The following PPEF2 variants were observed in gnomAD, a reference collection of about 807,000 sequenced individuals.
PPEF2 encodes the protein serine/threonine-protein phosphatase with EF-hands 2.
In PPEF2, 84 loss-of-function variants were observed where a neutral mutation model predicts 84.7. The observed-to-expected ratio is 0.99, with a 90% CI of 0.83 to 1.19. PPEF2 has a LOEUF of 1.19. PPEF2 is among the 50% of genes most tolerant of loss of function. The pLI is 0.00. For synonymous variants in PPEF2, 346 were observed against 345.2 expected, an observed-to-expected ratio of 1.00 and a Z score of -0.03; for missense variants, 924 against 937.5, an observed-to-expected ratio of 0.99 and a Z score of 0.19.
intron 3 of PPEF2, 21 bp from the exon 4 acceptor site, chr4:75,891,726 A>ACGT: frequency 6.2e-7 from 1 of 1,607,812 alleles, no homozygotes; most frequent in South Asian, 1.1e-5. Context: ...ACCCAAGGAG[A>ACGT]CGTGGCTTTA....
chr4:75,863,368 C>T (rs1267077613), intron 16 of PPEF2, among the ~76,000 whole-genome samples: 3 of 151,140 alleles, frequency 2.0e-5, no homozygotes, highest in Non-Finnish European at 4.4e-5. Flanking sequence ...GGTGTGGTGG[C>T]ACACGCCTGT....
intron 2 of PPEF2, among the ~76,000 whole-genome samples, chr4:75,892,474 G>A (rs1724912029): frequency 6.6e-6 from 1 of 152,150 alleles, no homozygotes; most frequent in African/African-American, 2.4e-5. Flanking sequence ...GGGCCTCAAT[G>A]TCCTCATCTG....
intron 2 of PPEF2, among the ~76,000 whole-genome samples, chr4:75,894,158 A>T (rs1262746167): frequency 2.6e-5 from 4 of 152,204 alleles, no homozygotes; most frequent in African/African-American, 9.7e-5. Flanking sequence ...GAGAATAGGT[A>T]AATTATTTAA....
chr4:75,871,050 T>G (rs1177552858), intron 13 of PPEF2, among the ~76,000 whole-genome samples: 2 of 151,938 alleles, frequency 1.3e-5, no homozygotes, highest in Non-Finnish European at 2.9e-5. Context: ...CCCGTGTAGC[T>G]GGGATTACAG....
chr4:75,896,259 G>A lies in PPEF2; in HGVS notation c.55+12C>T, dbSNP rs11731367. ...GTACCCACAGCTGGTTTGGAAAGTG[G>A]GAAACACGTACCTCTCTCTGCATTC... On this transcript the variant is annotated intron_variant, in intron 2 of 16. Transcript: ENST00000286719. 403,135 of 1,612,490 alleles carry A rather than the reference G, an allele frequency of 0.25. 53,850 individuals carry two copies. The highest frequency in any genetic ancestry group is 0.28 in the Non-Finnish European group (326,231 of 1,178,690).
chr4:75,860,540 T>G lies in PPEF2; in HGVS notation c.*127A>C. ...ACCCCTCCACACTGAAATACACAGGTGATTCTGATGCATATGGATAGGTAA... is the reference window on the plus strand; with the variant it reads ...ACCCCTCCACACTGAAATACACAGGGGATTCTGATGCATATGGATAGGTAA... On this transcript the variant is annotated 3_prime_UTR_variant, in exon 17 of 17. Coordinates refer to ENST00000286719, the MANE Select transcript of PPEF2 (RefSeq NM_006239.3). 8.5e-6 allele frequency: 10 copies of G among 1,179,658 alleles called. No homozygotes were observed. Among genetic ancestry groups the G allele is most frequent in the Non-Finnish European group, 9.5e-6 (8 of 840,714 alleles). The allele number at this position is 1,179,658 out of a possible 1,614,324, so 73.1% of individuals were successfully genotyped here.
chr4:75,900,066 G>A lies in PPEF2; in HGVS notation c.-59+2164C>T, dbSNP rs540565215. 1.1e-4 allele frequency among the ~76,000 whole-genome samples: 16 copies of A among 152,276 alleles called. No individual in the cohort carries two copies. The East Asian group carries it at 3.1e-3, about 29-fold the overall frequency. On this transcript the variant is annotated intron_variant, in intron 1 of 16. Transcript: ENST00000286719. ...TCTATACAATAAAACCTCAATATAT[G>A]TTGATGGACTGAATCTGATGTCATA...
chr4:75,898,959 TTCTA>T (rs1191169352), intron 1 of PPEF2, among the ~76,000 whole-genome samples: 8 of 152,132 alleles, frequency 5.3e-5, no homozygotes, highest in Non-Finnish European at 1.0e-4. Flanking sequence ...AACTTATTCC[TTCTA>T]TCTAACTGTA....
rs745505336 is a variant in PPEF2, at chr4:75,876,623, C to T, written c.984G>A (p.Met328Ile). 25 of 1,594,990 alleles carry T rather than the reference C, an allele frequency of 1.6e-5. 1 individual carries two copies. The South Asian group carries it at 2.6e-4, about 17-fold the overall frequency. Residue 328 changes from methionine (M) to isoleucine (I), a missense_variant, in exon 11 of 17, where the codon ATG becomes ATA. Coordinates refer to ENST00000286719, the MANE Select transcript of PPEF2 (RefSeq NM_006239.3). ...TCTGGTTGGCTCTTCTCTTCTCCTC[C>T]ATCTGCTTCTCACTCTTCTGTCTCG... Reference protein sequence around the residue: ...CKTRQKSEKQMEEKRRANQKS... With the variant: ...CKTRQKSEKQIEEKRRANQKS...
At chr4:75,884,353 A>G (rs1211354521) in intron 8 of PPEF2, among the ~76,000 whole-genome samples, 3 of 151,432 alleles carry the variant, frequency 2.0e-5, no homozygotes, top group Non-Finnish European at 4.4e-5. Context: ...ACTTAAACCC[A>G]GGAAGCAGAG....
In PPEF2 at chr4:75,890,000, G is replaced by A. The variant is rs778801344; in HGVS notation, c.374C>T (p.Pro125Leu). The A allele has an allele frequency of 1.1e-5, 18 of 1,614,070 alleles. No individual in the cohort carries two copies. The highest frequency in any genetic ancestry group is 1.5e-5 in the Non-Finnish European group (18 of 1,180,052). The change falls in exon 5 of 17, where the codon CCT (proline) becomes CTT (leucine). Residue 125 changes from proline (P) to leucine (L), a missense_variant. By Grantham distance (98) the Pro-to-Leu change is moderately conservative. Coordinates refer to ENST00000286719, the MANE Select transcript of PPEF2 (RefSeq NM_006239.3). ...TGPRLSFPLL[P>L]DHATALVEAF... ...TTCTACCAGGGCAGTTGCATGGTCA[G>A]GCAGGAGTGGGAAGGAGAGGCGTGG... is the stretch of plus-strand genomic sequence containing the variant.
intron 10 of PPEF2, among the ~76,000 whole-genome samples, chr4:75,877,039 A>AAAGAAAGAAAGAAAGAAAGAAAGAAAG (rs149782164): frequency 1.4e-3 from 194 of 135,646 alleles, no homozygotes; most frequent in Middle Eastern, 3.7e-3. Flanking sequence ...AGAAAGAAAG[A>AAAGAAAGAAAGAAAGAAAGAAAGAAAG]AAAGAAACAG....
chr4:75,886,483 A>C (rs1391494167), intron 7 of PPEF2, among the ~76,000 whole-genome samples: 2 of 152,192 alleles, frequency 1.3e-5, no homozygotes, highest in East Asian at 1.9e-4. Flanking sequence ...AGGATTTCGC[A>C]CTGAGCAGAG....
intron 8 of PPEF2, chr4:75,883,424 G>T: frequency 1.8e-6 from 1 of 562,214 alleles, no homozygotes; most frequent in South Asian, 2.5e-5. Context: ...TGTATTTCCT[G>T]CTTTACTATC....
At chr4:75,871,925 C>T (rs1724289701) in intron 13 of PPEF2, 100 bp downstream of exon 13, 2 of 1,308,690 alleles carry the variant, frequency 1.5e-6, no homozygotes, top group African/African-American at 1.5e-5. Flanking sequence ...TCTGAATTCT[C>T]ACGTAGAATT....
At chr4:75,888,983 A>ACG in intron 5 of PPEF2, 2 of 152,446 alleles carry the variant, frequency 1.3e-5, no homozygotes, top group African/African-American at 4.8e-5. Flanking sequence ...AGGCTGAGGT[A>ACG]GGCAGATCAT....
chr4:75,896,407 G>A (rs1394007192), intron 1 of PPEF2, 24 bp from the exon 2 acceptor site: 2 of 1,462,562 alleles, frequency 1.4e-6, no homozygotes, highest in Non-Finnish European at 1.9e-6. Context: ...GAGAGAATCT[G>A]TAATAGGAGA....
intron 15 of PPEF2, 60 bp from the exon 16 acceptor site, chr4:75,864,587 A>G: frequency 4.0e-6 from 5 of 1,239,392 alleles, no homozygotes; most frequent in South Asian, 3.7e-5. Context: ...CCAATATATA[A>G]TTAACACACA....
At chr4:75,885,120 A>T (rs1724689359) in intron 7 of PPEF2, among the ~76,000 whole-genome samples, 1 of 152,240 alleles carries the variant, frequency 6.6e-6, no homozygotes, top group Non-Finnish European at 1.5e-5. Flanking sequence ...AAACAAGATA[A>T]TGCATGGGAA....
Sources: gnomAD v4.1 joint callset for allele counts (sites outside exome capture counted in the v4.1 genomes callset) on GRCh38, gnomAD v4.1.1 for gene constraint, MANE v1.5 for transcripts, NCBI Gene and HGNC (gene_info 2026-07-23, HGNC 2026-07-21) for gene names.